UBE2E2: variants seen among roughly 807,000 people sequenced by gnomAD.
UBE2E2 encodes ubiquitin conjugating enzyme E2 E2, also known as ubiquitin-conjugating enzyme E2 E2.
A neutral mutation model predicts 24.7 loss-of-function variants in UBE2E2; 6 were observed. The observed-to-expected ratio is 0.24, with a 90% confidence interval of 0.13 to 0.48. UBE2E2 has a LOEUF of 0.48. UBE2E2 is among the 20% of genes least tolerant of loss of function. UBE2E2 has a pLI of 0.99. For missense variants in UBE2E2, 169 were observed against 245.0 expected (o/e 0.69, Z 2.07); for synonymous variants, 104 against 83.6 (o/e 1.24, Z -1.33).
intron 4 of UBE2E2, among the ~76,000 whole-genome samples, chr3:23,525,583 G>A (rs534053615): frequency 4.6e-5 from 7 of 152,276 alleles, no homozygotes; most frequent in East Asian, 1.9e-4. Flanking sequence ...GAGAAAAGGT[G>A]GCTACCATTG....
Position 23,465,019 on chromosome 3 carries a change from A to C in UBE2E2, c.228-34589A>C, listed in dbSNP as rs560628260. Among the ~76,000 whole-genome samples, 8 of 152,338 alleles carry C rather than the reference A, an allele frequency of 5.3e-5. No individual in the cohort carries two copies. The East Asian group carries it at 1.2e-3, about 22-fold the overall frequency. On this transcript the variant is annotated intron_variant, in intron 3 of 5. Coordinates refer to ENST00000396703, the MANE Select transcript of UBE2E2 (RefSeq NM_152653.4). ...AAGTAACCTGAGCTTTCATTGACAC[A>C]CAAATTTTCATCTTAATTTTTGTGT... is the stretch of plus-strand genomic sequence containing the variant.
intron 3 of UBE2E2, among the ~76,000 whole-genome samples, chr3:23,277,746 G>C (rs1698402692): frequency 6.6e-6 from 1 of 152,020 alleles, no homozygotes; most frequent in Admixed American, 6.6e-5. Flanking sequence ...AGGCTGTTCT[G>C]GGCTCTAAGG....
chr3:23,466,323 G>A (rs1698917787), intron 3 of UBE2E2, among the ~76,000 whole-genome samples: 1 of 152,200 alleles, frequency 6.6e-6, no homozygotes, highest in African/African-American at 2.4e-5. Context: ...GAAAACAGTG[G>A]CCTGAAATAC....
At chr3:23,411,988 G>C (rs140974204) in intron 3 of UBE2E2, among the ~76,000 whole-genome samples, 1 of 152,260 alleles carries the variant, frequency 6.6e-6, no homozygotes, top group East Asian at 1.9e-4. Context: ...GAGAGAAGTA[G>C]AGTTAATTGC....
At chr3:23,501,012 A>C (rs907121011) in intron 4 of UBE2E2, among the ~76,000 whole-genome samples, 1 of 152,072 alleles carries the variant, frequency 6.6e-6, no homozygotes, top group African/African-American at 2.4e-5. Flanking sequence ...AAGCCATGGT[A>C]AATCTAATAC....
chr3:23,508,270 C>G (rs17194751), intron 4 of UBE2E2, among the ~76,000 whole-genome samples: 26,667 of 152,190 alleles, frequency 0.18, 2,409 homozygotes, highest in Middle Eastern at 0.23. Context: ...GTCCAGCCAC[C>G]ACCTACAATT....
intron 3 of UBE2E2, among the ~76,000 whole-genome samples, chr3:23,315,074 G>A (rs1024078094): frequency 4.6e-5 from 7 of 151,984 alleles, no homozygotes; most frequent in Non-Finnish European, 1.0e-4. Flanking sequence ...TCCTCTTTAA[G>A]GGCAGTAACT....
At chr3:23,424,320 T>A (rs1169934816) in intron 3 of UBE2E2, among the ~76,000 whole-genome samples, 1 of 152,176 alleles carries the variant, frequency 6.6e-6, no homozygotes, top group African/African-American at 2.4e-5. Flanking sequence ...ATTTCCTAAA[T>A]GAATTCATTT....
intron 3 of UBE2E2, among the ~76,000 whole-genome samples, chr3:23,321,476 G>A (rs1299291783): frequency 6.6e-6 from 1 of 151,724 alleles, no homozygotes; most frequent in Non-Finnish European, 1.5e-5. Flanking sequence ...CTTGGTACAG[G>A]TCTTCTGTAG....
intron 3 of UBE2E2, among the ~76,000 whole-genome samples, chr3:23,451,849 A>G (rs1698568254): frequency 1.3e-5 from 2 of 152,206 alleles, no homozygotes; most frequent in South Asian, 2.1e-4. Flanking sequence ...CCAAGTTTGA[A>G]AAAAATAGAG....
At chr3:23,282,426 A>G (rs1402378726) in intron 3 of UBE2E2, among the ~76,000 whole-genome samples, 1 of 152,178 alleles carries the variant, frequency 6.6e-6, no homozygotes, top group East Asian at 1.9e-4. Context: ...CTCTCAGCAG[A>G]TTATGATTTT....
At chr3:23,495,607 A>C (rs1575666612) in intron 3 of UBE2E2, among the ~76,000 whole-genome samples, 1 of 152,320 alleles carries the variant, frequency 6.6e-6, no homozygotes, top group East Asian at 1.9e-4. Flanking sequence ...GATTTTCTCT[A>C]CTTTTAAGCT....
intron 4 of UBE2E2, among the ~76,000 whole-genome samples, chr3:23,505,710 A>G (rs564163178): frequency 1.3e-5 from 2 of 152,354 alleles, no homozygotes; most frequent in East Asian, 3.9e-4. Flanking sequence ...AATTCAGAGC[A>G]TATCAGTTTA....
intron 2 of UBE2E2, among the ~76,000 whole-genome samples, chr3:23,212,585 A>G (rs1399607195): frequency 7.0e-6 from 1 of 142,490 alleles, no homozygotes; most frequent in Non-Finnish European, 1.5e-5. Context: ...TCAATATGAT[A>G]CTGTTCGAGG....
At chr3:23,312,524 C>G (rs973053382) in intron 3 of UBE2E2, among the ~76,000 whole-genome samples, 1 of 152,028 alleles carries the variant, frequency 6.6e-6, no homozygotes, top group African/African-American at 2.4e-5. Flanking sequence ...CAATCATCCC[C>G]CTACCCTTCC....
At chr3:23,273,508 G>A (rs1435477252) in intron 3 of UBE2E2, among the ~76,000 whole-genome samples, 1 of 146,736 alleles carries the variant, frequency 6.8e-6, no homozygotes, top group African/African-American at 2.5e-5. Context: ...TCCAGCCTGG[G>A]CGACAGAGCG....
At position 23,569,027 on chromosome 3, in the gene UBE2E2, C is replaced by T. The variant is rs556661946; in HGVS notation, c.509-20707C>T. Among the ~76,000 whole-genome samples, 11 of 151,550 alleles carry T rather than the reference C, an allele frequency of 7.3e-5. 1 individual carries two copies. In the South Asian group the frequency reaches 2.1e-3, roughly 29 times the overall value. On this transcript the variant is annotated intron_variant, in intron 5 of 5. Transcript: ENST00000396703. ...ACATATGTCCACATAAAAAGGTGTA[C>T]ACAAATGTTCCTTGCAGCATTATTT...
intron 5 of UBE2E2, among the ~76,000 whole-genome samples, chr3:23,535,130 A>T (rs1376764298): frequency 1.3e-5 from 2 of 152,220 alleles, no homozygotes; most frequent in Non-Finnish European, 2.9e-5. Flanking sequence ...TTTATTAGTC[A>T]TATCACATTG....
intron 3 of UBE2E2, among the ~76,000 whole-genome samples, chr3:23,488,841 T>C (rs778514): frequency 0.67 from 102,464 of 152,104 alleles, 36,483 homozygotes; most frequent in African/African-American, 0.92. Context: ...TGCTAGCTCA[T>C]AGGCCCAAGT....
Sources: allele counts gnomAD v4.1 joint callset (sites outside exome capture counted in the v4.1 genomes callset), GRCh38; gene constraint gnomAD v4.1.1; transcripts MANE v1.5; gene names NCBI Gene and HGNC (gene_info 2026-07-23, HGNC 2026-07-21).